Variants in ACSL4 observed in about 807,000 individuals in gnomAD.
ACSL4 encodes acyl-CoA synthetase long chain family member 4.
In ACSL4, 9 loss-of-function variants were observed where a neutral mutation model predicts 49.1. The observed-to-expected ratio is 0.18, with a 90% confidence interval of 0.11 to 0.32. The LOEUF (loss-of-function observed/expected upper bound fraction) is 0.32, where lower values mean the gene tolerates loss of function less well. Ranked by LOEUF, ACSL4 falls within the 10% of genes least tolerant of loss-of-function variation. The probability of loss-of-function intolerance (pLI) is 1.00; values close to 1 mark genes in which losing one functional copy is unlikely to be tolerated. For synonymous variants in ACSL4, 191 were observed against 170.3 expected (o/e 1.12, Z -0.95); for missense variants, 333 against 493.7 (o/e 0.67, Z 3.08).
At chrX:109,644,492 A>G (rs185946953) in intron 15 of ACSL4, among the ~76,000 whole-genome samples, 60 of 111,788 alleles carry the variant, frequency 5.4e-4, no homozygotes, top group African/African-American at 1.9e-3. Flanking sequence ...TATACACATT[A>G]TTTATACTCA....
chrX:109,671,433 A>G (rs1457702975), intron 9 of ACSL4, among the ~76,000 whole-genome samples: 2 of 108,767 alleles, frequency 1.8e-5, no homozygotes, highest in African/African-American at 6.7e-5. Flanking sequence ...CCGCCTGGCC[A>G]GCCACCCCAT....
intron 1 of ACSL4, among the ~76,000 whole-genome samples, chrX:109,715,666 A>C (rs1232794752): frequency 9.0e-6 from 1 of 110,784 alleles, no homozygotes; most frequent in Non-Finnish European, 1.9e-5. Context: ...TCAAAACAAT[A>C]AATCATATAA....
intron 14 of ACSL4, among the ~76,000 whole-genome samples, chrX:109,660,017 G>A (rs868080131): frequency 9.1e-6 from 1 of 110,101 alleles, no homozygotes; most frequent in Non-Finnish European, 1.9e-5. Context: ...AACACTTTAT[G>A]AGAATAGATT....
Position 109,678,366 on chromosome X carries a change from C to T in ACSL4, c.705G>A (p.Met235Ile), listed in dbSNP as rs1178253903. The change falls in exon 7 of 16, where the codon ATG becomes ATA. Residue 235 changes from methionine to isoleucine, a missense_variant. Met to Ile is a conservative substitution (Grantham distance 10). Transcript: ENST00000672401. ...RPTPSDMAIV[M>I]YTSGSTGRPK... ...GTCGGCCAGTAGAACCACTAGTATA[C>T]ATAACAATGGCCATGTCTGAAGGCG... The T allele has an allele frequency of 2.5e-6, 3 of 1,211,841 alleles. No individual in the cohort carries two copies. The highest frequency in any genetic ancestry group is 3.4e-6 in the Non-Finnish European group (3 of 895,448).
At chrX:109,683,563 C>T (rs757309321) in intron 2 of ACSL4, 188 bp from the exon 3 acceptor site, 5 of 806,012 alleles carry the variant, frequency 6.2e-6, no homozygotes, top group Non-Finnish European at 9.3e-6. Flanking sequence ...CTGAAGAAGG[C>T]AATAATAGAA....
intron 1 of ACSL4, among the ~76,000 whole-genome samples, chrX:109,701,768 T>A (rs1925972313): frequency 1.0e-5 from 1 of 96,272 alleles, no homozygotes; most frequent in African/African-American, 3.8e-5. Flanking sequence ...GTGGTTTCGA[T>A]CTCCTGACCT....
chrX:109,666,840 G>A (rs1046563789), intron 11 of ACSL4, among the ~76,000 whole-genome samples: 11 of 111,867 alleles, frequency 9.8e-5, no homozygotes, highest in African/African-American at 2.0e-4. Context: ...GCTTGAACCC[G>A]GGAGGCGGAG....
intron 6 of ACSL4, among the ~76,000 whole-genome samples, chrX:109,679,539 A>T (rs1924006404): frequency 8.9e-6 from 1 of 112,537 alleles, no homozygotes; most frequent in South Asian, 3.6e-4. Flanking sequence ...AGATATAGTC[A>T]TAGTTTATAA....
At chrX:109,715,580 C>CA (rs1927064189) in intron 1 of ACSL4, among the ~76,000 whole-genome samples, 1 of 110,499 alleles carries the variant, frequency 9.0e-6, no homozygotes, top group South Asian at 3.8e-4. Context: ...GCAGAGGTTG[C>CA]AGTGAGCTGA....
chrX:109,717,378 C>A (rs958894800), intron 1 of ACSL4, among the ~76,000 whole-genome samples: 19 of 110,366 alleles, frequency 1.7e-4, no homozygotes, highest in Non-Finnish European at 1.9e-5. Flanking sequence ...CACCTGTAAT[C>A]CCACCTACTA....
chrX:109,664,834 G>A (rs984138661), intron 12 of ACSL4, among the ~76,000 whole-genome samples: 2 of 111,649 alleles, frequency 1.8e-5, no homozygotes, highest in Admixed American at 9.5e-5. Context: ...CTACTTTATT[G>A]TAGTTACTGT....
At chrX:109,649,417 C>A (rs1219978699) in intron 15 of ACSL4, among the ~76,000 whole-genome samples, 1 of 111,547 alleles carries the variant, frequency 9.0e-6, no homozygotes, top group Non-Finnish European at 1.9e-5. Context: ...GAAAAACAAG[C>A]AATGGGGAAA....
At chrX:109,700,347 T>A (rs1048927650) in intron 1 of ACSL4, among the ~76,000 whole-genome samples, 9 of 108,430 alleles carry the variant, frequency 8.3e-5, no homozygotes, top group South Asian at 7.9e-4. Context: ...CTGGCCAACA[T>A]GGTGAAAAAC....
chrX:109,720,201 A>G (rs1927438888), intron 1 of ACSL4, among the ~76,000 whole-genome samples: 2 of 109,496 alleles, frequency 1.8e-5, no homozygotes, highest in South Asian at 7.9e-4. Context: ...GTGGTGGCAC[A>G]GGCCTGTAAT....
chrX:109,666,037 T>C (rs1347949473), intron 11 of ACSL4, among the ~76,000 whole-genome samples: 1 of 112,489 alleles, frequency 8.9e-6, no homozygotes, highest in East Asian at 2.8e-4. Context: ...CATTTGCAAT[T>C]TGTGATTATT....
intron 1 of ACSL4, among the ~76,000 whole-genome samples, chrX:109,716,048 A>C (rs1277753858): frequency 3.6e-5 from 4 of 112,370 alleles, no homozygotes; most frequent in African/African-American, 9.7e-5. Context: ...TCCCTTCAAA[A>C]TATTTTTTAA....
intron 15 of ACSL4, among the ~76,000 whole-genome samples, chrX:109,648,833 G>A (rs1182038144): frequency 1.3e-4 from 13 of 98,671 alleles, no homozygotes; most frequent in Non-Finnish European, 2.5e-4. Context: ...AAAGTCTCAG[G>A]ATACAAAATC....
At chrX:109,715,465 C>T (rs1927055130) in intron 1 of ACSL4, among the ~76,000 whole-genome samples, 1 of 109,921 alleles carries the variant, frequency 9.1e-6, no homozygotes, top group Middle Eastern at 4.2e-3. Context: ...AAGGCGAAAC[C>T]CTGTCTCTAC....
rs1376542954 is a variant in ACSL4, at chrX:109,704,307, C to T, written c.-65-8111G>A. Among the ~76,000 whole-genome samples the T allele has an allele frequency of 2.7e-5, 3 of 111,974 alleles. No homozygotes were observed. In the East Asian group the frequency reaches 8.3e-4, roughly 31 times the overall value. ...TCTTACTTAAATAAGGTAAACATTA[C>T]AGCAAATAAGCAATGCTTATTTATC... On this transcript the variant is annotated intron_variant, in intron 1 of 15. Transcript: ENST00000672401.
Sources: gnomAD v4.1 joint callset for allele counts (sites outside exome capture counted in the v4.1 genomes callset) on GRCh38, gnomAD v4.1.1 for gene constraint, MANE v1.5 for transcripts, NCBI Gene and HGNC (gene_info 2026-07-23, HGNC 2026-07-21) for gene names.